TMEM63A: variants seen among roughly 807,000 people sequenced by gnomAD.
The protein encoded by TMEM63A is mechanosensitive cation channel TMEM63A.
A neutral mutation model predicts 100.6 loss-of-function variants in TMEM63A; 76 were observed. The observed-to-expected ratio is 0.76, with a 90% CI of 0.63 to 0.91. The LOEUF is 0.91. TMEM63A is among the 40% of genes least tolerant of loss of function. The probability of loss-of-function intolerance (pLI) is 0.00; values close to 1 mark genes in which losing one functional copy is unlikely to be tolerated. For synonymous variants in TMEM63A, 401 were observed against 401.1 expected, an observed-to-expected ratio of 1.00 and a Z score of 0.00; for missense variants, 876 against 1,008.8, an observed-to-expected ratio of 0.87 and a Z score of 1.78.
At chr1:225,847,284 C>T (rs1404136904) in intron 23 of TMEM63A, 71 bp from the exon 24 acceptor site, 4 of 1,551,562 alleles carry the variant, frequency 2.6e-6, no homozygotes, top group African/African-American at 2.7e-5. Context: ...CCCCTCCTGC[C>T]CTTCTCCCAA....
chr1:225,870,596 CT>C (rs1396763138), intron 6 of TMEM63A, among the ~76,000 whole-genome samples: 2 of 152,204 alleles, frequency 1.3e-5, no homozygotes, highest in African/African-American at 4.8e-5. Flanking sequence ...TATTTCTTCA[CT>C]TTTCACTAAT....
Position 225,845,615 on chromosome 1 carries a change from T to A in TMEM63A, c.*1324A>T. 1 of 524,382 alleles carries A rather than the reference T, an allele frequency of 1.9e-6. No individual in the cohort carries two copies. Among genetic ancestry groups the A allele is most frequent in the Non-Finnish European group, 3.4e-6 (1 of 289,958 alleles). The allele number at this position is 524,382 out of a possible 1,614,324, so 32.5% of individuals were successfully genotyped here. A position where few individuals can be genotyped will look rare whatever the true frequency, so the allele number is the denominator to read the frequency against. On this transcript the variant is annotated 3_prime_UTR_variant, in exon 25 of 25. Coordinates refer to ENST00000366835, the MANE Select transcript of TMEM63A (RefSeq NM_014698.3). Reference sequence around the variant, plus strand: ...TGCGCTGACCCCACATGGGGCCCCCTGTGCAAGCAGAGCTGGCCGGCCCCT... The same window carrying A: ...TGCGCTGACCCCACATGGGGCCCCCAGTGCAAGCAGAGCTGGCCGGCCCCT...
chr1:225,878,106 C>T (rs1670906599), intron 2 of TMEM63A, among the ~76,000 whole-genome samples: 1 of 152,174 alleles, frequency 6.6e-6, no homozygotes, highest in Non-Finnish European at 1.5e-5. Flanking sequence ...CCACGAGCCA[C>T]AGACAACACC....
Position 225,874,270 on chromosome 1 carries a change from T to A in TMEM63A, c.266+18A>T. ...CGTACGCACACGCATGCTCACAGCC[T>A]AGGCGATATGTCTTTACCTGTCTGC... On this transcript the variant is annotated intron_variant, in intron 4 of 24. Transcript: ENST00000366835. The A allele has an allele frequency of 6.2e-7, 1 of 1,612,040 alleles. No individual in the cohort carries two copies.
intron 1 of TMEM63A, among the ~76,000 whole-genome samples, chr1:225,880,917 G>C (rs973013264): frequency 1.3e-5 from 2 of 152,314 alleles, no homozygotes; most frequent in Middle Eastern, 3.4e-3. Context: ...GATATTGTTC[G>C]TTCTTGCAAG....
At chr1:225,876,586 C>T (rs1157003467) in intron 3 of TMEM63A, among the ~76,000 whole-genome samples, 4 of 152,052 alleles carry the variant, frequency 2.6e-5, no homozygotes, top group Non-Finnish European at 5.9e-5. Flanking sequence ...AGGAGATCTA[C>T]GTTAAAGAAA....
In TMEM63A at chr1:225,862,255, C is replaced by G; in HGVS notation, c.1048G>C (p.Ala350Pro). The change falls in exon 13 of 25, where the codon GCC becomes CCC. Residue 350 changes from alanine to proline, a missense_variant. Physicochemically the swap from Ala to Pro is conservative, Grantham distance 27. Transcript: ENST00000366835. This position sits in a 1 kb window ranked among gnomAD's most constrained non-coding sequence, Gnocchi z 5.1. The part of the protein sequence containing the change: ...RHVQDQPLGM[A>P]FVTFQEKSMA... ...GACTTCTCCTGGAAGGTGACGAAGG[C>G]CATTCCCAGGGGCTGGTCCTGGACG... The G allele has an allele frequency of 6.2e-7, 1 of 1,614,178 alleles. No individual in the cohort carries two copies. Among genetic ancestry groups the G allele is most frequent in the South Asian group, 1.1e-5 (1 of 91,076 alleles).
chr1:225,844,771 G>C, downstream of TMEM63A: 1 of 1,352,404 alleles, frequency 7.4e-7, no homozygotes, highest in South Asian at 1.4e-5. Flanking sequence ...GAACACTAAA[G>C]GTCGAGGTGT....
intron 18 of TMEM63A, among the ~76,000 whole-genome samples, chr1:225,854,638 C>T (rs1284935107): frequency 1.3e-5 from 2 of 152,246 alleles, no homozygotes; most frequent in Middle Eastern, 3.4e-3. Context: ...ATCCGTGGTA[C>T]CCAGTAAAAC....
chr1:225,866,708 G>A (rs1670233545), intron 8 of TMEM63A, 26 bp from the exon 9 acceptor site: 1 of 1,608,878 alleles, frequency 6.2e-7, no homozygotes, highest in Non-Finnish European at 8.5e-7. Context: ...CCTGCCATCA[G>A]GGCTGGGATC....
chr1:225,845,449 C>CAGCATGGGCAGGGGA, downstream of TMEM63A: 2 of 1,287,580 alleles, frequency 1.6e-6, no homozygotes, highest in Non-Finnish European at 2.1e-6. Context: ...GCCTCCGTCC[C>CAGCATGGGCAGGGGA]CTGCCCATGC....
chr1:225,881,328 T>C (rs529124158), intron 1 of TMEM63A, among the ~76,000 whole-genome samples: 116 of 152,308 alleles, frequency 7.6e-4, no homozygotes, highest in African/African-American at 2.7e-3. Flanking sequence ...ACGGAGCTGT[T>C]GGGAGGCACA....
intron 20 of TMEM63A, among the ~76,000 whole-genome samples, chr1:225,851,056 C>T (rs932342314): frequency 1.3e-5 from 2 of 152,074 alleles, no homozygotes; most frequent in South Asian, 4.1e-4. Flanking sequence ...GTGGGACAGA[C>T]CCTGCACCAA....
intron 6 of TMEM63A, among the ~76,000 whole-genome samples, chr1:225,869,213 A>G (rs360087): frequency 0.92 from 139,368 of 152,292 alleles, 63,808 homozygotes; most frequent in African/African-American, 0.94. Flanking sequence ...CTACCTCATC[A>G]GCTTAGCAGG....
intron 24 of TMEM63A, 46 bp from the exon 25 acceptor site, chr1:225,846,978 T>A: frequency 6.5e-7 from 1 of 1,532,298 alleles, no homozygotes; most frequent in South Asian, 1.3e-5. Context: ...TCAGGCCGCT[T>A]CACCTGTCTT....
At chr1:225,852,887 G>A (rs894161348) in intron 19 of TMEM63A, 118 bp from the exon 20 acceptor site, 43 of 832,352 alleles carry the variant, frequency 5.2e-5, no homozygotes, top group Admixed American at 1.0e-4. Context: ...TAGGAGATGC[G>A]TGGCTCCCCG....
downstream of TMEM63A, chr1:225,842,446 C>T (rs754985149): frequency 6.2e-6 from 10 of 1,613,824 alleles, no homozygotes; most frequent in East Asian, 4.5e-5. Context: ...TACGGAATTC[C>T]GATACCTGGA....
At chr1:225,855,780 T>C (rs1436841914) in intron 18 of TMEM63A, 98 bp downstream of exon 18, 5 of 1,237,124 alleles carry the variant, frequency 4.0e-6, no homozygotes, top group South Asian at 1.4e-5. Flanking sequence ...TTCAGAAGCA[T>C]AGGCTACGAC....
chr1:225,852,582 G>A (rs1352285451), intron 20 of TMEM63A, 82 bp downstream of exon 20: 8 of 1,361,534 alleles, frequency 5.9e-6, no homozygotes, highest in African/African-American at 1.4e-5. Context: ...TTGTGCCCTG[G>A]TGATAGCTGT....
Sources: gnomAD v4.1 joint callset for allele counts (sites outside exome capture counted in the v4.1 genomes callset) on GRCh38, gnomAD v4.1.1 for gene constraint, Gnocchi (gnomAD v3.1) non-coding constraint, MANE v1.5 for transcripts, NCBI Gene and HGNC (gene_info 2026-07-23, HGNC 2026-07-21) for gene names.